Variants in MAMLD1 observed in about 807,000 individuals in gnomAD.
MAMLD1 encodes the protein mastermind-like domain-containing protein 1.
Under a neutral mutation model 45.0 loss-of-function variants are expected in MAMLD1, and 14 were observed. That is an observed-to-expected ratio of 0.31 (90% CI 0.21 to 0.49). The LOEUF (loss-of-function observed/expected upper bound fraction) is 0.49. Among genes scored for constraint, MAMLD1 ranks in the 20% least tolerant of loss-of-function variants. The pLI is 0.99. For missense variants in MAMLD1, 543 were observed against 603.6 expected (o/e 0.90, Z 1.05); for synonymous variants, 254 against 247.8 (o/e 1.02, Z -0.24).
chrX:150,364,557 G>C (rs1217181075), intron 1 of MAMLD1, among the ~76,000 whole-genome samples: 3 of 112,235 alleles, frequency 2.7e-5, no homozygotes, highest in Non-Finnish European at 5.6e-5. Context: ...GGAGCACAGC[G>C]TGGCTGGGGG....
rs782264534 is a variant in MAMLD1 at position 150,513,843 on chromosome X, G to A, written c.*1884G>A. The stretch of plus-strand genomic sequence containing the variant: ...AAAAGCCCAGCTTGTGTGCACCCTC[G>A]TGGGGTTAAGGCGAGCTGTTCCTGG... On this transcript the variant is annotated 3_prime_UTR_variant, in exon 8 of 8. Coordinates refer to ENST00000370401, the MANE Select transcript of MAMLD1 (RefSeq NM_005491.5). 6.8e-6 allele frequency: 2 copies of A among 296,081 alleles called. No individual in the cohort carries two copies. The highest frequency in any genetic ancestry group is 6.1e-5 in the Admixed American group (1 of 16,264). 24.4% of individuals were successfully genotyped at this position (296,081 alleles called of 1,213,427 possible).
At chrX:150,454,213 G>C (rs782134907) in intron 2 of MAMLD1, among the ~76,000 whole-genome samples, 1 of 112,293 alleles carries the variant, frequency 8.9e-6, no homozygotes, top group East Asian at 2.8e-4. Context: ...AACTAAACAT[G>C]TTCTTGCCTC....
At chrX:150,494,285 T>G (rs1326880414) in intron 5 of MAMLD1, among the ~76,000 whole-genome samples, 1 of 111,370 alleles carries the variant, frequency 9.0e-6, no homozygotes, top group Non-Finnish European at 1.9e-5. Flanking sequence ...TCCCAGCTAC[T>G]GGGGAGGCTG....
intron 1 of MAMLD1, among the ~76,000 whole-genome samples, chrX:150,365,152 G>C: frequency 1.5e-5 from 1 of 68,705 alleles, no homozygotes; most frequent in Middle Eastern, 7.9e-3. Context: ...TTTATAAAAA[G>C]CCCCTTTGTT....
At chrX:150,441,192 G>T (rs1377291183) in intron 1 of MAMLD1, among the ~76,000 whole-genome samples, 4 of 108,027 alleles carry the variant, frequency 3.7e-5, no homozygotes, top group African/African-American at 1.3e-4. Flanking sequence ...ATTTCTATGT[G>T]TTGGGAACAT....
intron 2 of MAMLD1, among the ~76,000 whole-genome samples, chrX:150,450,228 CA>C (rs1557404997): frequency 4.2e-3 from 468 of 112,635 alleles, no homozygotes; most frequent in African/African-American, 0.014. Context: ...TGTCCACTGC[CA>C]AGCCTGGCAG....
At chrX:150,408,795 C>A (rs1286336881) in intron 1 of MAMLD1, among the ~76,000 whole-genome samples, 2 of 112,097 alleles carry the variant, frequency 1.8e-5, no homozygotes, top group Admixed American at 1.9e-4. Context: ...TTTGCTCAAT[C>A]ATTGGCATTT....
At chrX:150,413,695 C>G (rs1177060778) in intron 1 of MAMLD1, among the ~76,000 whole-genome samples, 6 of 109,573 alleles carry the variant, frequency 5.5e-5, no homozygotes, top group Admixed American at 2.0e-4. Context: ...AGAATGTACC[C>G]CTGAAAGAGA....
chrX:150,486,340 G>GC lies in MAMLD1; in HGVS notation c.2040+12545dup, dbSNP rs782710145. ...GAGCCAGGAAGCTTCTTTCCCAGAA[G>GC]CCCCCCCAGATTTCATGCTTTTTAG... On this transcript the variant is annotated intron_variant, in intron 5 of 7. Transcript: ENST00000370401. Among the ~76,000 whole-genome samples the GC allele has an allele frequency of 1.9e-4, 21 of 111,409 alleles. No homozygotes were observed. The East Asian group carries it at 5.1e-3, about 27-fold the overall frequency.
In MAMLD1 at chrX:150,512,954, G is replaced by A. The variant is rs1557409307; in HGVS notation, c.*995G>A. 1.7e-6 allele frequency: 2 copies of A among 1,156,235 alleles called. No individual in the cohort carries two copies. The highest frequency in any genetic ancestry group is 5.2e-5 in the Admixed American group (2 of 38,819). Reference sequence around the variant, plus strand: ...CTTGAAAGGCTCCTGTGTGAGCCCAGATGAAGACTGGGTGTGCAACTTGAG... The same window carrying A: ...CTTGAAAGGCTCCTGTGTGAGCCCAAATGAAGACTGGGTGTGCAACTTGAG... On this transcript the variant is annotated 3_prime_UTR_variant, in exon 8 of 8. Transcript: ENST00000370401.
chrX:150,424,579 G>T (rs1435809795), intron 1 of MAMLD1, among the ~76,000 whole-genome samples: 2 of 112,089 alleles, frequency 1.8e-5, no homozygotes, highest in African/African-American at 6.5e-5. Context: ...ATTTCAAAGG[G>T]AACCAGTCTT....
At chrX:150,440,889 TATA>T (rs1253295462) in intron 1 of MAMLD1, among the ~76,000 whole-genome samples, 75 of 104,549 alleles carry the variant, frequency 7.2e-4, no homozygotes, top group African/African-American at 1.6e-3. Context: ...TAATATTTAA[TATA>T]ATATTTATTA....
chrX:150,479,661 A>G (rs1386928404), intron 5 of MAMLD1, among the ~76,000 whole-genome samples: 2 of 112,178 alleles, frequency 1.8e-5, no homozygotes, highest in African/African-American at 6.5e-5. Flanking sequence ...AGAGGACAGA[A>G]ATAAATCATT....
chrX:150,505,109 T>G, intron 6 of MAMLD1: 6 of 747,908 alleles, frequency 8.0e-6, no homozygotes, highest in Non-Finnish European at 9.5e-6. Flanking sequence ...AAAAAGAATT[T>G]CATATACAGA....
Position 150,363,499 on chromosome X carries a change from TGCCCCCGCCGCC to T in MAMLD1, c.-91_-80del, listed in dbSNP as rs2124430689. The T allele has an allele frequency of 9.7e-6, 1 of 102,737 alleles. No individual in the cohort carries two copies. The highest frequency in any genetic ancestry group is 2.1e-5 in the Non-Finnish European group (1 of 46,727). 8.5% of individuals were successfully genotyped at this position (102,737 alleles called of 1,213,427 possible). On this transcript the variant is annotated 5_prime_UTR_variant, in exon 1 of 8. Coordinates refer to ENST00000370401, the MANE Select transcript of MAMLD1 (RefSeq NM_005491.5). ...CGGCGGCCGCCCGCCCCTCGGACAC[TGCCCCCGCCGCC>T]GCCGGAGCTCTGCAGCACGGTAAGG...
chrX:150,372,539 G>A (rs1319714201), intron 1 of MAMLD1, among the ~76,000 whole-genome samples: 2 of 112,476 alleles, frequency 1.8e-5, no homozygotes, highest in East Asian at 2.8e-4. Flanking sequence ...GGAGGGCACA[G>A]CGTTTCTAAG....
chrX:150,443,182 T>C (rs1557404604), intron 1 of MAMLD1, among the ~76,000 whole-genome samples: 1 of 110,080 alleles, frequency 9.1e-6, no homozygotes, highest in Non-Finnish European at 1.9e-5. Context: ...CAGATGTATG[T>C]CTTTTGTCAA....
At chrX:150,482,687 C>T (rs1557407396) in intron 5 of MAMLD1, among the ~76,000 whole-genome samples, 1 of 112,447 alleles carries the variant, frequency 8.9e-6, no homozygotes, top group Non-Finnish European at 1.9e-5. Context: ...GCAGTATTTA[C>T]TGCACATCCA....
intron 2 of MAMLD1, among the ~76,000 whole-genome samples, chrX:150,458,733 C>T (rs1569564867): frequency 9.0e-6 from 1 of 111,698 alleles, no homozygotes; most frequent in Non-Finnish European, 1.9e-5. Context: ...GAAATGATTA[C>T]CACAATCAAG....
Sources: gnomAD v4.1 joint callset for allele counts (sites outside exome capture counted in the v4.1 genomes callset) on GRCh38, gnomAD v4.1.1 for gene constraint, MANE v1.5 for transcripts, NCBI Gene and HGNC (gene_info 2026-07-23, HGNC 2026-07-21) for gene names.